NASP: variants seen among roughly 807,000 people sequenced by gnomAD.
NASP encodes NASP histone chaperone.
NASP carries 24 observed loss-of-function variants against 89.5 expected under a neutral mutation model. The ratio of observed to expected loss-of-function variants is 0.27; its 90% confidence interval spans 0.19 to 0.38. The LOEUF (loss-of-function observed/expected upper bound fraction) is 0.38, where lower values mean the gene tolerates loss of function less well. NASP is among the 10% of genes least tolerant of loss of function. The pLI, the probability that NASP is intolerant of heterozygous loss-of-function variation, is 1.00. For synonymous variants in NASP, 306 were observed against 324.7 expected (o/e 0.94, Z 0.62); for missense variants, 848 against 921.4 (o/e 0.92, Z 1.03).
intron 6 of NASP, chr1:45,609,839 T>C (rs1351281442): frequency 1.3e-5 from 2 of 152,238 alleles, no homozygotes; most frequent in African/African-American, 4.8e-5. Flanking sequence ...TTGAATATAT[T>C]ATTCTTCCCA....
intron 1 of NASP, among the ~76,000 whole-genome samples, chr1:45,586,296 T>TG (rs1381872109): frequency 7.8e-4 from 73 of 93,686 alleles, no homozygotes; most frequent in African/African-American, 3.1e-3. Flanking sequence ...TGTGTGTGTG[T>TG]GTGTGTGTGT....
chr1:45,596,730 C>G (rs867827629), intron 2 of NASP, among the ~76,000 whole-genome samples: 1 of 152,206 alleles, frequency 6.6e-6, no homozygotes, highest in African/African-American at 2.4e-5. Context: ...CTGTGGCTCA[C>G]GCCTGCATCC....
Position 45,607,929 on chromosome 1 carries a change from C to T in NASP, c.1018C>T (p.Pro340Ser), listed in dbSNP as rs745841045. Residue 340 changes from proline (P) to serine (S), a missense_variant, in exon 6 of 15, where the codon CCT (proline) becomes TCT (serine). Coordinates refer to ENST00000350030, the MANE Select transcript of NASP (RefSeq NM_002482.4). ...LEQLVGQEVP[P>S]AEESPEVTTE... Reference sequence around the variant, plus strand: ...ACAACTGGTAGGTCAAGAAGTACCACCTGCTGAAGAGTCACCAGAGGTGAC... The same window carrying T: ...ACAACTGGTAGGTCAAGAAGTACCATCTGCTGAAGAGTCACCAGAGGTGAC... The T allele has an allele frequency of 6.2e-7, 1 of 1,614,130 alleles. No individual in the cohort carries two copies. The highest frequency in any genetic ancestry group is 8.5e-7 in the Non-Finnish European group (1 of 1,180,020).
intron 3 of NASP, 83 bp from the exon 4 acceptor site, chr1:45,604,851 AAT>A (rs1260907543): frequency 7.7e-6 from 8 of 1,044,936 alleles, no homozygotes; most frequent in Non-Finnish European, 1.0e-5. Context: ...TTACTGGAGA[AAT>A]ATCAATTTAT....
rs557648635 is a variant in NASP at position 45,616,241 on chromosome 1, TAGTC to T, written c.2023-92_2023-89del. 1.3e-3 allele frequency: 1,476 copies of T among 1,132,376 alleles called. 19 individuals are homozygous for T. In the Admixed American group the frequency reaches 0.022, roughly 17 times the overall value. 70.1% of individuals were successfully genotyped at this position (1,132,376 alleles called of 1,614,324 possible). ...TGGAGGCCACTAGCATTTCAGGTCT[TAGTC>T]AGTTGTTTGGATGGTGATGGGTTCC... On this transcript the variant is annotated intron_variant, in intron 11 of 14. Transcript: ENST00000350030.
At chr1:45,592,533 G>GAC (rs1369905542) in intron 2 of NASP, among the ~76,000 whole-genome samples, 14 of 152,024 alleles carry the variant, frequency 9.2e-5, no homozygotes, top group Middle Eastern at 3.4e-3. Context: ...TTTGTTTTTT[G>GAC]AGATGGAGTC....
intron 1 of NASP, among the ~76,000 whole-genome samples, chr1:45,586,298 T>TGTGTGGG (rs1557646716): frequency 1.0e-5 from 1 of 96,566 alleles, no homozygotes; most frequent in South Asian, 3.2e-4. Flanking sequence ...TGTGTGTGTG[T>TGTGTGGG]GTGTGTGTGT....
intron 3 of NASP, among the ~76,000 whole-genome samples, chr1:45,602,770 G>C (rs1025909322): frequency 6.6e-6 from 1 of 152,138 alleles, no homozygotes; most frequent in Admixed American, 6.5e-5. Flanking sequence ...ATAGGTGTGT[G>C]CCACCATGCC....
At chr1:45,605,435 T>A (rs1316170202) in intron 4 of NASP, among the ~76,000 whole-genome samples, 1 of 152,170 alleles carries the variant, frequency 6.6e-6, no homozygotes, top group African/African-American at 2.4e-5. Flanking sequence ...AACTAGCAAA[T>A]GATGTCATCT....
intron 1 of NASP, among the ~76,000 whole-genome samples, chr1:45,587,390 C>T (rs755366278): frequency 2.2e-4 from 34 of 151,466 alleles, no homozygotes; most frequent in Non-Finnish European, 4.7e-4. Flanking sequence ...AGGGTGATCT[C>T]GAACTCCTGA....
chr1:45,586,287 GT>G (rs1644544516), intron 1 of NASP, among the ~76,000 whole-genome samples: 39 of 76,616 alleles, frequency 5.1e-4, no homozygotes, highest in African/African-American at 7.4e-4. Flanking sequence ...TGTGTGTGGT[GT>G]GTGTGTGTGT....
rs1644142528 is a variant in NASP, at chr1:45,618,247, A to C, written c.*106A>C. The C allele has an allele frequency of 1.1e-6, 1 of 925,328 alleles. No homozygotes were observed. 57.3% of individuals were successfully genotyped at this position (925,328 alleles called of 1,614,324 possible). A position where few individuals can be genotyped will look rare whatever the true frequency, so the allele number is the denominator to read the frequency against. On this transcript the variant is annotated 3_prime_UTR_variant, in exon 15 of 15. Coordinates refer to ENST00000350030, the MANE Select transcript of NASP (RefSeq NM_002482.4). The stretch of plus-strand genomic sequence containing the variant: ...TAACTTCAATAAAGATTGTAAGCAA[A>C]GGTTGAGGCTTTGATGGTTTTTTTC...
At chr1:45,618,003 A>G (rs1171843774) in intron 14 of NASP, 58 bp from the exon 15 acceptor site, 6 of 1,480,028 alleles carry the variant, frequency 4.1e-6, no homozygotes, top group African/African-American at 2.8e-5. Flanking sequence ...CCTCAGTTAT[A>G]TAAGACAGAA....
intron 2 of NASP, among the ~76,000 whole-genome samples, chr1:45,599,951 G>GTTTTTTTTTTTTTTTTTTTTTTTTT (rs1375366938): frequency 3.9e-5 from 4 of 101,942 alleles, no homozygotes; most frequent in African/African-American, 1.7e-4. Context: ...CTTTTCCTCT[G>GTTTTTTTTTTTTTTTTTTTTTTTTT]TATTTTTTTT....
At chr1:45,587,271 C>T (rs1229011175) in intron 1 of NASP, among the ~76,000 whole-genome samples, 28 of 151,802 alleles carry the variant, frequency 1.8e-4, no homozygotes, top group Non-Finnish European at 1.5e-4. Context: ...CTGCAACCTC[C>T]GCCCTCCCGG....
In NASP at chr1:45,615,449, A is replaced by C. The variant is rs1200428787; in HGVS notation, c.2000A>C (p.Glu667Ala). Reference protein sequence around the residue: ...KESQRSGNVAELALKATLVES... With the variant: ...KESQRSGNVAALALKATLVES... ...TCTCAGCGTAGTGGGAATGTAGCTG[A>C]ACTGGCTCTGAAAGCTACTCTGGTT... The change falls in exon 11 of 15, where the codon GAA becomes GCA. Residue 667 changes from glutamate to alanine, a missense_variant. Transcript: ENST00000350030. 2 of 1,613,360 alleles carry C rather than the reference A, an allele frequency of 1.2e-6. No homozygotes were observed.
In NASP at chr1:45,607,928, A is replaced by G; in HGVS notation, c.1017A>G (p.Pro339=). 1 of 1,614,106 alleles carries G rather than the reference A, an allele frequency of 6.2e-7. No individual in the cohort carries two copies. Among genetic ancestry groups the G allele is most frequent in the Non-Finnish European group, 8.5e-7 (1 of 1,180,024 alleles). ...AACAACTGGTAGGTCAAGAAGTACC[A>G]CCTGCTGAAGAGTCACCAGAGGTGA... ...VLEQLVGQEV[P]PAEESPEVTT... The change falls in exon 6 of 15, where the codon CCA becomes CCG. Residue 339 remains proline, a synonymous_variant. Transcript: ENST00000350030.
intron 7 of NASP, 152 bp from the exon 8 acceptor site, chr1:45,613,944 T>A: frequency 1.6e-6 from 1 of 620,986 alleles, no homozygotes; most frequent in South Asian, 2.0e-5. Context: ...TGGTCATGAC[T>A]TAAGACAGTA....
intron 2 of NASP, among the ~76,000 whole-genome samples, chr1:45,595,218 A>G (rs886332450): frequency 4.7e-5 from 7 of 148,678 alleles, no homozygotes; most frequent in South Asian, 2.1e-4. Context: ...TATGTTGCTC[A>G]GGCAGGTCTT....
Sources: allele counts gnomAD v4.1 joint callset (sites outside exome capture counted in the v4.1 genomes callset), GRCh38; gene constraint gnomAD v4.1.1; transcripts MANE v1.5; gene names NCBI Gene and HGNC (gene_info 2026-07-23, HGNC 2026-07-21).